The following KTN1 variants were observed in gnomAD, a reference collection of about 807,000 sequenced individuals.
KTN1 encodes the protein kinectin.
A neutral mutation model predicts 222.5 loss-of-function variants in KTN1; 130 were observed. That is an observed-to-expected ratio of 0.58 (90% CI 0.51 to 0.68). The LOEUF is 0.68. Ranked by LOEUF, KTN1 falls within the 30% of genes least tolerant of loss-of-function variation. The pLI is 0.00. For synonymous variants in KTN1, 512 were observed against 496.3 expected, an observed-to-expected ratio of 1.03 and a Z score of -0.42; for missense variants, 1,508 against 1,500.4, an observed-to-expected ratio of 1.01 and a Z score of -0.08.
intron 13 of KTN1, among the ~76,000 whole-genome samples, 160 bp downstream of exon 13, chr14:55,639,382 T>C (rs1298034959): frequency 2.0e-5 from 3 of 150,952 alleles, no homozygotes; most frequent in African/African-American, 7.3e-5. Flanking sequence ...TTTTTTTTCC[T>C]TTTTCCCATT....
intron 40 of KTN1, 60 bp downstream of exon 40, chr14:55,673,315 T>C: frequency 9.2e-7 from 1 of 1,081,476 alleles, no homozygotes; most frequent in Non-Finnish European, 1.4e-6. Context: ...TATTGACATG[T>C]GGAGAAACCA....
intron 43 of KTN1, chr14:55,680,926 A>G (rs2046310261): frequency 2.8e-6 from 1 of 361,912 alleles, no homozygotes; most frequent in Admixed American, 3.6e-5. Flanking sequence ...CTTGCTTCCT[A>G]GGGAAACTTC....
At chr14:55,605,058 G>A (rs1478439041) in intron 1 of KTN1, among the ~76,000 whole-genome samples, 1 of 152,136 alleles carries the variant, frequency 6.6e-6, no homozygotes, top group African/African-American at 2.4e-5. Context: ...ATCTTGTCAA[G>A]GGGTTTCCTC....
At chr14:55,623,426 C>G (rs923052258) in intron 5 of KTN1, among the ~76,000 whole-genome samples, 1 of 152,224 alleles carries the variant, frequency 6.6e-6, no homozygotes, top group African/African-American at 2.4e-5. Flanking sequence ...GTCACCCAGG[C>G]TGGAGTGCTG....
intron 33 of KTN1, among the ~76,000 whole-genome samples, chr14:55,666,236 C>A (rs973242722): frequency 4.0e-5 from 6 of 151,772 alleles, no homozygotes; most frequent in African/African-American, 1.5e-4. Flanking sequence ...ATTAGATTTT[C>A]TAAAATTGAA....
At chr14:55,628,056 A>T (rs1240494771) in intron 6 of KTN1, 28 bp downstream of exon 6, 1 of 1,306,860 alleles carries the variant, frequency 7.7e-7, no homozygotes, top group South Asian at 1.2e-5. Context: ...TACGAGGGAT[A>T]TACTTCCCAA....
At chr14:55,629,872 T>G in intron 6 of KTN1, 85 bp from the exon 7 acceptor site, 4 of 910,012 alleles carry the variant, frequency 4.4e-6, no homozygotes, top group Non-Finnish European at 6.9e-6. Context: ...TTACTGATGT[T>G]AAATAACATC....
chr14:55,674,853 T>C (rs2045760576), intron 40 of KTN1: 1 of 152,184 alleles, frequency 6.6e-6, no homozygotes. Context: ...TGCTACTTTT[T>C]ATGATAAAAT....
intron 18 of KTN1, 44 bp from the exon 19 acceptor site, chr14:55,646,929 C>G (rs1228018063): frequency 8.0e-7 from 1 of 1,244,816 alleles, no homozygotes; most frequent in East Asian, 2.3e-5. Context: ...TTACTTCATG[C>G]AAATTTGGTA....
intron 25 of KTN1, among the ~76,000 whole-genome samples, chr14:55,652,480 C>G (rs925770320): frequency 2.0e-5 from 3 of 149,066 alleles, no homozygotes; most frequent in Non-Finnish European, 4.4e-5. Flanking sequence ...CTCACTGCAA[C>G]CTCCACCTCC....
chr14:55,585,630 A>G lies in KTN1; in HGVS notation c.-31+5276A>G, dbSNP rs186790345. On this transcript the variant is annotated intron_variant, in intron 1 of 43. Coordinates refer to ENST00000395314, the MANE Select transcript of KTN1 (RefSeq NM_001079521.2). ...TATAGATTTTTCCAGTTATTCATCAAGGCCTTCCAAAGGATTTAATGTCAT... is the reference window on the plus strand; with the variant it reads ...TATAGATTTTTCCAGTTATTCATCAGGGCCTTCCAAAGGATTTAATGTCAT... 2.0e-5 allele frequency among the ~76,000 whole-genome samples: 3 copies of G among 152,328 alleles called. No homozygotes were observed. In the East Asian group the frequency reaches 5.8e-4, roughly 29 times the overall value.
intron 24 of KTN1, chr14:55,651,685 G>T: frequency 1.9e-6 from 1 of 526,650 alleles, no homozygotes; most frequent in Non-Finnish European, 3.4e-6. Context: ...TATTTTCCTT[G>T]TCCCTCCCCC....
chr14:55,633,356 A>G lies in KTN1; in HGVS notation c.1328+15A>G. 1 of 1,410,758 alleles carries G rather than the reference A, an allele frequency of 7.1e-7. No individual in the cohort carries two copies. Among genetic ancestry groups the G allele is most frequent in the Non-Finnish European group, 9.7e-7 (1 of 1,035,170 alleles). 87.4% of individuals were successfully genotyped at this position (1,410,758 alleles called of 1,614,324 possible). A position where few individuals can be genotyped will look rare whatever the true frequency, so the allele number is the denominator to read the frequency against. ...CTGGAAAGCAAGTATGTTTCCAAAT[A>G]CCTTATTTTTTAATTGAATGGCAGA... On this transcript the variant is annotated intron_variant, in intron 8 of 43. Transcript: ENST00000395314.
At chr14:55,637,702 C>A in intron 11 of KTN1, 77 bp from the exon 12 acceptor site, 2 of 958,712 alleles carry the variant, frequency 2.1e-6, no homozygotes, top group Admixed American at 2.2e-5. Flanking sequence ...ACAAATGTAC[C>A]TATAATACAT....
intron 1 of KTN1, among the ~76,000 whole-genome samples, chr14:55,610,553 ACT>A (rs2037394530): frequency 6.6e-6 from 1 of 151,920 alleles, no homozygotes; most frequent in Non-Finnish European, 1.5e-5. Flanking sequence ...ACATATCAAG[ACT>A]CTCCAAATTG....
rs775222762 is a variant in KTN1, at chr14:55,629,999, A to G, written c.1123A>G (p.Arg375Gly). The G allele has an allele frequency of 6.2e-7, 1 of 1,602,466 alleles. No individual in the cohort carries two copies. Among genetic ancestry groups the G allele is most frequent in the Non-Finnish European group, 8.6e-7 (1 of 1,169,392 alleles). ...AGAAAGAAGCAATGTGGTTATAACA[A>G]GGATGAAAGATCGAATTGGAACATT... ...EKERSNVVIT[R>G]MKDRIGTLEK... Residue 375 changes from arginine (R) to glycine (G), a missense_variant, in exon 7 of 44, where the codon AGG becomes GGG. Arg to Gly is a moderately radical substitution (Grantham distance 125). Coordinates refer to ENST00000395314, the MANE Select transcript of KTN1 (RefSeq NM_001079521.2).
rs1595081986 is a variant in KTN1 at position 55,647,143 on chromosome 14, C to A, written c.2207+136C>A. On this transcript the variant is annotated intron_variant, in intron 19 of 43. Transcript: ENST00000395314. ...ATGCTGTTGATTTGGGATTACATTA[C>A]CGTTTGTGGGTTTCACGTGTGGCAG... 3 of 626,700 alleles carry A rather than the reference C, an allele frequency of 4.8e-6. No individual in the cohort carries two copies. The East Asian group carries it at 8.5e-5, about 18-fold the overall frequency. 38.8% of individuals were successfully genotyped at this position (626,700 alleles called of 1,614,324 possible).
chr14:55,675,649 A>G (rs2045828559), intron 40 of KTN1, 186 bp from the exon 41 acceptor site: 2 of 427,098 alleles, frequency 4.7e-6, no homozygotes, highest in Admixed American at 4.1e-5. Flanking sequence ...GGCTTTTCTT[A>G]TGTTTAGCTT....
At chr14:55,587,056 C>T (rs533419317) in intron 1 of KTN1, among the ~76,000 whole-genome samples, 50 of 152,214 alleles carry the variant, frequency 3.3e-4, no homozygotes, top group African/African-American at 1.2e-3. Flanking sequence ...TTATTTCTTT[C>T]TTGGTATCTG....
Sources: gnomAD v4.1 joint callset for allele counts (sites outside exome capture counted in the v4.1 genomes callset) on GRCh38, gnomAD v4.1.1 for gene constraint, MANE v1.5 for transcripts, NCBI Gene and HGNC (gene_info 2026-07-23, HGNC 2026-07-21) for gene names.